The following GRAMD2B variants were observed in gnomAD, a reference collection of about 807,000 sequenced individuals.
The protein encoded by GRAMD2B is GRAM domain-containing protein 2B.
In GRAMD2B, 41 loss-of-function variants were observed where a neutral mutation model predicts 59.2. The ratio of observed to expected loss-of-function variants is 0.69; its 90% CI spans 0.54 to 0.90. The LOEUF (loss-of-function observed/expected upper bound fraction) is 0.90, where lower values mean the gene tolerates loss of function less well. GRAMD2B is among the 40% of genes least tolerant of loss of function. GRAMD2B has a pLI of 0.00. For missense variants in GRAMD2B, 424 were observed against 500.5 expected (o/e 0.85, Z 1.46); for synonymous variants, 161 against 182.7 (o/e 0.88, Z 0.96).
intron 12 of GRAMD2B, among the ~76,000 whole-genome samples, chr5:126,488,252 TAAG>T (rs1386431839): frequency 2.0e-5 from 3 of 152,168 alleles, no homozygotes; most frequent in Non-Finnish European, 4.4e-5. Flanking sequence ...GGCATAGAGA[TAAG>T]AAGTGACTCC....
intron 1 of GRAMD2B, chr5:126,459,182 T>TA (rs1766894114): frequency 6.6e-6 from 1 of 152,246 alleles, no homozygotes. Flanking sequence ...ACTATATTTT[T>TA]GACACTCCTT....
At chr5:126,481,399 G>A (rs1399813704) in intron 8 of GRAMD2B, among the ~76,000 whole-genome samples, 1 of 152,072 alleles carries the variant, frequency 6.6e-6, no homozygotes, top group Admixed American at 6.6e-5. Context: ...GTTTTCCCAA[G>A]AGAGTTCCAA....
At chr5:126,410,206 T>C (rs1188219156) in intron 1 of GRAMD2B, among the ~76,000 whole-genome samples, 16 of 152,056 alleles carry the variant, frequency 1.1e-4, no homozygotes, top group Non-Finnish European at 8.8e-5. Flanking sequence ...TTTAAAGTAG[T>C]TTTTTCCAAT....
chr5:126,491,107 C>T (rs1773845446), intron 13 of GRAMD2B, among the ~76,000 whole-genome samples: 1 of 152,076 alleles, frequency 6.6e-6, no homozygotes, highest in Non-Finnish European at 1.5e-5. Flanking sequence ...TATTTACTGG[C>T]CATTTGGGTT....
At chr5:126,363,387 G>C (rs941386210) in intron 1 of GRAMD2B, among the ~76,000 whole-genome samples, 1 of 152,000 alleles carries the variant, frequency 6.6e-6, no homozygotes, top group Non-Finnish European at 1.5e-5. Context: ...AAAATGTTAC[G>C]ACCATTTTGG....
At chr5:126,378,059 G>A (rs931377604) in intron 1 of GRAMD2B, among the ~76,000 whole-genome samples, 1 of 151,852 alleles carries the variant, frequency 6.6e-6, no homozygotes, top group African/African-American at 2.4e-5. Context: ...GTGCATAATA[G>A]ACTTTATCAG....
intron 1 of GRAMD2B, among the ~76,000 whole-genome samples, chr5:126,431,133 C>T (rs183402140): frequency 8.5e-5 from 13 of 152,166 alleles, no homozygotes; most frequent in South Asian, 2.1e-4. Flanking sequence ...TTTTTTCTTA[C>T]GCTATTGTCA....
At chr5:126,437,472 A>T (rs58840038) in intron 1 of GRAMD2B, among the ~76,000 whole-genome samples, 36,710 of 152,042 alleles carry the variant, frequency 0.24, 4,820 homozygotes, top group Non-Finnish European at 0.3. Flanking sequence ...GAGCTAGCAG[A>T]TAGATTTGGC....
chr5:126,453,739 A>C (rs1205734624), intron 1 of GRAMD2B, among the ~76,000 whole-genome samples: 1 of 152,248 alleles, frequency 6.6e-6, no homozygotes, highest in Non-Finnish European at 1.5e-5. Flanking sequence ...GTTTGAAAAA[A>C]TAAGTTTGCA....
rs112227470 is a variant in GRAMD2B, at chr5:126,451,162, G to A, written c.84-14264G>A. 6.6e-3 allele frequency among the ~76,000 whole-genome samples: 1,010 copies of A among 152,356 alleles called. 10 individuals are homozygous for A. Among genetic ancestry groups the A allele is most frequent in the African/African-American group, 0.023 (959 of 41,588 alleles). ...CAAAGCCACAGAGGCAGAACTGTCC[G>A]AGGCCTTGGGAGCCCACTCCTTGCA... On this transcript the variant is annotated intron_variant, in intron 1 of 13. Transcript: ENST00000285689.
chr5:126,493,014 T>C lies in GRAMD2B; in HGVS notation c.*58T>C. 1.4e-6 allele frequency: 2 copies of C among 1,434,388 alleles called. No individual in the cohort carries two copies. Among genetic ancestry groups the C allele is most frequent in the Non-Finnish European group, 2.0e-6 (2 of 1,020,066 alleles). 88.9% of individuals were successfully genotyped at this position (1,434,388 alleles called of 1,614,324 possible). On this transcript the variant is annotated 3_prime_UTR_variant, in exon 14 of 14. Transcript: ENST00000285689. ...CATGTTTCCCTTTGAAGAAGGTGCT[T>C]CCTGAGGCGTTTTGTTTGAGTGCAC...
chr5:126,489,885 G>A (rs1773608016), intron 13 of GRAMD2B, among the ~76,000 whole-genome samples: 1 of 152,126 alleles, frequency 6.6e-6, no homozygotes, highest in Non-Finnish European at 1.5e-5. Context: ...GCTTACTTGG[G>A]AAGACATATT....
chr5:126,468,701 C>T (rs913767815), intron 2 of GRAMD2B, among the ~76,000 whole-genome samples: 1 of 151,866 alleles, frequency 6.6e-6, no homozygotes, highest in Admixed American at 6.6e-5. Context: ...TTGGCCAGGC[C>T]GGTCTCAAAC....
At chr5:126,439,528 G>T (rs1187880090) in intron 1 of GRAMD2B, among the ~76,000 whole-genome samples, 1 of 151,886 alleles carries the variant, frequency 6.6e-6, no homozygotes, top group Non-Finnish European at 1.5e-5. Context: ...GTTTCACCAT[G>T]TTCACCAGGC....
intron 1 of GRAMD2B, among the ~76,000 whole-genome samples, chr5:126,380,762 C>T (rs1030420624): frequency 6.6e-6 from 1 of 152,146 alleles, no homozygotes; most frequent in Non-Finnish European, 1.5e-5. Context: ...TATCCAGAAA[C>T]TTTGCTGAAT....
At chr5:126,445,110 G>A (rs1422378689) in intron 1 of GRAMD2B, among the ~76,000 whole-genome samples, 2 of 152,150 alleles carry the variant, frequency 1.3e-5, no homozygotes, top group Non-Finnish European at 2.9e-5. Context: ...ATGGGCATTT[G>A]GGTTGATTCC....
rs749295599 is a variant in GRAMD2B at position 126,473,355 on chromosome 5, GA to G, written c.477del (p.Asp160ThrfsTer11). The G allele has an allele frequency of 2.8e-6, 4 of 1,426,848 alleles. No individual in the cohort carries two copies. The highest frequency in any genetic ancestry group is 2.9e-6 in the Non-Finnish European group (3 of 1,049,390). The allele number at this position is 1,426,848 out of a possible 1,614,324, so 88.4% of individuals were successfully genotyped here. A position where few individuals can be genotyped will look rare whatever the true frequency, so the allele number is the denominator to read the frequency against. ...ATTTGTTTTCATTCCAAAGTCTTTG[GA>G]AAAGACACAAAGGTTGGTATAATTA... The part of the protein sequence containing the change: ...NWICFHSKVF[G>X]KDTKISIPAF... On this transcript the variant is annotated frameshift_variant, in exon 5 of 14. Coordinates refer to ENST00000285689, the MANE Select transcript of GRAMD2B (RefSeq NM_023927.4). LOFTEE classifies it high-confidence loss of function.
chr5:126,462,917 T>A (rs1767636725), intron 1 of GRAMD2B, among the ~76,000 whole-genome samples: 1 of 152,204 alleles, frequency 6.6e-6, no homozygotes, highest in South Asian at 2.1e-4. Flanking sequence ...ACACTGTATG[T>A]TCCATCCTTG....
intron 1 of GRAMD2B, chr5:126,462,439 CA>C: frequency 6.1e-6 from 6 of 985,322 alleles, no homozygotes; most frequent in Non-Finnish European, 7.2e-6. Flanking sequence ...ACAAGACCTC[CA>C]AGGTAAGGGA....
Sources: allele counts gnomAD v4.1 joint callset (sites outside exome capture counted in the v4.1 genomes callset), GRCh38; gene constraint gnomAD v4.1.1; transcripts MANE v1.5; gene names NCBI Gene and HGNC (gene_info 2026-07-23, HGNC 2026-07-21).